The following SYNE1 variants were observed in gnomAD, a reference collection of about 807,000 sequenced individuals.
SYNE1 encodes the protein spectrin repeat containing nuclear envelope protein 1, also known as nesprin-1.
SYNE1 carries 616 observed loss-of-function variants against 1,111.0 expected under a neutral mutation model. The observed-to-expected ratio is 0.55, with a 90% CI of 0.52 to 0.59. The LOEUF (loss-of-function observed/expected upper bound fraction) is 0.59. Among genes scored for constraint, SYNE1 ranks in the 20% least tolerant of loss-of-function variants. The pLI is 0.00. For missense variants in SYNE1, 10,006 were observed against 10,417.0 expected (o/e 0.96, Z 1.72); for synonymous variants, 3,855 against 3,825.8 (o/e 1.01, Z -0.28).
At chr6:152,302,214 T>G in intron 91 of SYNE1, 151 bp from the exon 92 acceptor site, 1 of 1,020,184 alleles carries the variant, frequency 9.8e-7, no homozygotes, top group South Asian at 1.4e-5. Context: ...TCCTCCTGCA[T>G]CTCGCTACCG....
intron 46 of SYNE1, among the ~76,000 whole-genome samples, chr6:152,403,315 A>T (rs922892140): frequency 2.0e-5 from 3 of 152,124 alleles, no homozygotes; most frequent in African/African-American, 7.2e-5. Context: ...GTTCCCGTGG[A>T]TTTGTGCCAT....
rs1263751049 is a variant in SYNE1 at position 152,435,331 on chromosome 6, CT to C, written c.4310+609del. 4.0e-5 allele frequency: 6 copies of C among 150,140 alleles called. No individual in the cohort carries two copies. In the East Asian group the frequency reaches 1.2e-3, roughly 29 times the overall value. 9.3% of individuals were successfully genotyped at this position (150,140 alleles called of 1,614,324 possible). ...TCCTCATATGTTTTTCCCCTCCAAACTTTTTTGTATATTTTGGGTATATAAC... is the reference window on the plus strand; with the variant it reads ...TCCTCATATGTTTTTCCCCTCCAAACTTTTTGTATATTTTGGGTATATAAC... On this transcript the variant is annotated intron_variant, in intron 33 of 145. Transcript: ENST00000367255.
chr6:152,407,297 T>C (rs2097915302), intron 44 of SYNE1, 101 bp from the exon 45 acceptor site: 4 of 1,199,246 alleles, frequency 3.3e-6, no homozygotes, highest in Non-Finnish European at 4.8e-6. Context: ...AAGTATATTC[T>C]GACGGACAAA....
chr6:152,323,775 A>C, intron 81 of SYNE1, 38 bp from the exon 82 acceptor site: 2 of 1,611,284 alleles, frequency 1.2e-6, no homozygotes, highest in Non-Finnish European at 1.7e-6. Flanking sequence ...TTCAATAATA[A>C]ATAAACTGAA....
intron 97 of SYNE1, among the ~76,000 whole-genome samples, chr6:152,280,918 A>T (rs1433812614): frequency 6.6e-6 from 1 of 152,210 alleles, no homozygotes; most frequent in Non-Finnish European, 1.5e-5. Context: ...ATGAATCTCA[A>T]ATCACAAATA....
At chr6:152,177,870 A>G (rs895934142) in intron 129 of SYNE1, among the ~76,000 whole-genome samples, 3 of 152,166 alleles carry the variant, frequency 2.0e-5, no homozygotes, top group African/African-American at 7.2e-5. Context: ...ACCAACAGAC[A>G]CTAATATCTT....
intron 3 of SYNE1, among the ~76,000 whole-genome samples, chr6:152,609,485 G>C (rs1213813660): frequency 6.6e-6 from 1 of 152,184 alleles, no homozygotes; most frequent in Non-Finnish European, 1.5e-5. Context: ...AAACTGGGTA[G>C]AGCCCACACA....
chr6:152,421,369 G>A lies in SYNE1; in HGVS notation c.5268-1647C>T, dbSNP rs541278888. On this transcript the variant is annotated intron_variant, in intron 39 of 145. Transcript: ENST00000367255. ...AGCAAAGCCAATTTTTAAAAAGCCT[G>A]TATGGCCAATCACTAATCTTGCTGC... 4.3e-4 allele frequency among the ~76,000 whole-genome samples: 65 copies of A among 152,274 alleles called. 1 individual carries two copies. In the South Asian group the frequency reaches 5.8e-3, roughly 14 times the overall value.
chr6:152,379,534 C>T (rs187937193), intron 56 of SYNE1, among the ~76,000 whole-genome samples: 2 of 152,094 alleles, frequency 1.3e-5, no homozygotes, highest in East Asian at 3.9e-4. Flanking sequence ...CCCTAAGAAC[C>T]CTAGCATATT....
In SYNE1 at chr6:152,442,210, A is replaced by G. The variant is rs778275142; in HGVS notation, c.3873T>C (p.Asp1291=). The G allele has an allele frequency of 1.2e-6, 2 of 1,613,526 alleles. No individual in the cohort carries two copies. Among genetic ancestry groups the G allele is most frequent in the South Asian group, 2.2e-5 (2 of 91,082 alleles). The change falls in exon 31 of 146, where the codon GAT becomes GAC. Residue 1291 remains aspartate, a synonymous_variant. Coordinates refer to ENST00000367255, the MANE Select transcript of SYNE1 (RefSeq NM_182961.4). ...KTKRISAKKR[D]VQQQIAQAQQ... ...GCGCCTGCGCGATCTGCTGCTGCACATCTCTCTTCTTTGCTGAGATCCGCT... is the reference window on the plus strand; with the variant it reads ...GCGCCTGCGCGATCTGCTGCTGCACGTCTCTCTTCTTTGCTGAGATCCGCT...
At chr6:152,244,197 T>C (rs974335645) in intron 106 of SYNE1, among the ~76,000 whole-genome samples, 1 of 152,194 alleles carries the variant, frequency 6.6e-6, no homozygotes, top group African/African-American at 2.4e-5. Flanking sequence ...AGGGTAGATA[T>C]CCCTTTTTTA....
intron 4 of SYNE1, among the ~76,000 whole-genome samples, chr6:152,529,094 A>G (rs983552904): frequency 1.3e-5 from 2 of 151,996 alleles, no homozygotes; most frequent in Non-Finnish European, 2.9e-5. Flanking sequence ...ACAGAATAGC[A>G]CTCAGCACAC....
rs909883384 is a variant in SYNE1, at chr6:152,215,585, G to A, written c.22192-525C>T. Among the ~76,000 whole-genome samples, 6 of 152,154 alleles carry A rather than the reference G, an allele frequency of 3.9e-5. No homozygotes were observed. The South Asian group carries it at 6.2e-4, about 16-fold the overall frequency. ...AAAGACCTTACTTCTTACCATTTAC[G>A]TTTAATTTGTTCATGCTAATTTCCT... On this transcript the variant is annotated intron_variant, in intron 121 of 145. Transcript: ENST00000367255.
rs183905062 is a variant in SYNE1 at position 152,482,959 on chromosome 6, G to A, written c.1350+126C>T. ...TCAAATTAGAGAACTCTAAGAAGGT[G>A]TGACGTCTCCGATCATGTAGAATTA... On this transcript the variant is annotated intron_variant, in intron 14 of 145. Transcript: ENST00000367255. 1.6e-5 allele frequency: 17 copies of A among 1,065,196 alleles called. No individual in the cohort carries two copies. In the African/African-American group the frequency reaches 2.0e-4, roughly 13 times the overall value. The allele number at this position is 1,065,196 out of a possible 1,614,324, so 66.0% of individuals were successfully genotyped here. A position where few individuals can be genotyped will look rare whatever the true frequency, so the allele number is the denominator to read the frequency against.
chr6:152,339,249 C>T lies in SYNE1; in HGVS notation c.12343G>A (p.Glu4115Lys), dbSNP rs2096480308. ...ATTTTTCATTTTCTTACCGTTTGCT[C>T]TGTTTGTTGAATGTCTTTTGCTGTG... ...KTTAKDIQQTEQTIEQKLVQA... is the reference protein window; with the variant it reads ...KTTAKDIQQTKQTIEQKLVQA... The change falls in exon 75 of 146, where the codon GAG (glutamate) becomes AAG (lysine). Residue 4115 changes from glutamate (E) to lysine (K), a missense_variant. Glu to Lys is a moderately conservative substitution (Grantham distance 56). Around this residue, in one of 7 missense-constraint regions of SYNE1, gnomAD observed 4,955 missense variants for 5,017.2 expected, o/e 0.99. Coordinates refer to ENST00000367255, the MANE Select transcript of SYNE1 (RefSeq NM_182961.4). 1 of 1,613,686 alleles carries T rather than the reference C, an allele frequency of 6.2e-7. No homozygotes were observed. The highest frequency in any genetic ancestry group is 8.5e-7 in the Non-Finnish European group (1 of 1,179,696).
chr6:152,266,930 A>G (rs2092762884), intron 100 of SYNE1, among the ~76,000 whole-genome samples: 1 of 152,128 alleles, frequency 6.6e-6, no homozygotes, highest in Non-Finnish European at 1.5e-5. Flanking sequence ...GTCCATCTCT[A>G]AAATGTTTTT....
chr6:152,504,125 A>G (rs1047872119), intron 9 of SYNE1, among the ~76,000 whole-genome samples: 2 of 152,190 alleles, frequency 1.3e-5, no homozygotes, highest in African/African-American at 4.8e-5. Flanking sequence ...ATCCCACTCT[A>G]GGAATAATGT....
intron 91 of SYNE1, among the ~76,000 whole-genome samples, chr6:152,304,927 A>G (rs2095326025): frequency 6.6e-6 from 1 of 152,234 alleles, no homozygotes; most frequent in African/African-American, 2.4e-5. Context: ...ACTGAGAAAT[A>G]GTACTCTACG....
intron 45 of SYNE1, chr6:152,405,107 G>A (rs2097876967): frequency 6.6e-6 from 1 of 152,254 alleles, no homozygotes; most frequent in African/African-American, 2.4e-5. Context: ...GAGGAATCTT[G>A]CTACTTACCT....
Sources: gnomAD v4.1 joint callset for allele counts (sites outside exome capture counted in the v4.1 genomes callset) on GRCh38, gnomAD v4.1.1 for gene constraint, gnomAD v4.1.1 regional missense constraint, MANE v1.5 for transcripts, NCBI Gene and HGNC (gene_info 2026-07-23, HGNC 2026-07-21) for gene names.